The following RAB3GAP1 variants were observed in gnomAD, a reference collection of about 807,000 sequenced individuals.
The protein encoded by RAB3GAP1 is RAB3 GTPase activating protein catalytic subunit 1.
RAB3GAP1 carries 86 observed loss-of-function variants against 130.7 expected under a neutral mutation model. That is an observed-to-expected ratio of 0.66 (90% CI 0.55 to 0.79). The LOEUF (loss-of-function observed/expected upper bound fraction) is 0.79. Among genes scored for constraint, RAB3GAP1 ranks in the 30% least tolerant of loss-of-function variants. The pLI is 0.00. For missense variants in RAB3GAP1, 1,029 were observed against 1,169.4 expected, an observed-to-expected ratio of 0.88 and a Z score of 1.75; for synonymous variants, 367 against 401.7, an observed-to-expected ratio of 0.91 and a Z score of 1.03.
At chr2:135,069,219 C>T (rs922918584) in intron 3 of RAB3GAP1, among the ~76,000 whole-genome samples, 2 of 152,060 alleles carry the variant, frequency 1.3e-5, no homozygotes, top group African/African-American at 4.8e-5. Context: ...TGTCATGTTC[C>T]CTTTGTATAA....
In RAB3GAP1 at chr2:135,162,981, G is replaced by T; in HGVS notation, c.2491-5G>T. The T allele has an allele frequency of 6.2e-7, 1 of 1,609,416 alleles. No individual in the cohort carries two copies. The highest frequency in any genetic ancestry group is 8.5e-7 in the Non-Finnish European group (1 of 1,175,790). On this transcript the variant is annotated splice_region_variant and splice_polypyrimidine_tract_variant and intron_variant, in intron 21 of 23. Coordinates refer to ENST00000264158, the MANE Select transcript of RAB3GAP1 (RefSeq NM_012233.3). ...AATGTATGCCTCTTCCTTTTCTACC[G>T]CCAGGAAATCATTCACCAGATTACT...
downstream of RAB3GAP1, among the ~76,000 whole-genome samples, chr2:135,170,915 C>T (rs1038153506): frequency 6.6e-6 from 1 of 152,050 alleles, no homozygotes; most frequent in African/African-American, 2.4e-5. Context: ...TTTATTTCTC[C>T]ACCTCTTCAA....
At chr2:135,163,414 C>T (rs1692527421) in intron 22 of RAB3GAP1, among the ~76,000 whole-genome samples, 1 of 152,174 alleles carries the variant, frequency 6.6e-6, no homozygotes, top group African/African-American at 2.4e-5. Flanking sequence ...CTGTGTTGCT[C>T]ACCCTGCCCC....
At chr2:135,126,063 G>A in intron 9 of RAB3GAP1, 118 bp from the exon 10 acceptor site, 2 of 757,456 alleles carry the variant, frequency 2.6e-6, no homozygotes, top group East Asian at 2.6e-5. Context: ...CCAGTATGTT[G>A]TATTATAAAT....
chr2:135,082,414 A>G (rs1689850563), intron 3 of RAB3GAP1, among the ~76,000 whole-genome samples: 1 of 151,858 alleles, frequency 6.6e-6, no homozygotes. Flanking sequence ...TGGACATATC[A>G]TATAAATGGA....
At chr2:135,131,473 G>T (rs193058691) in intron 13 of RAB3GAP1, among the ~76,000 whole-genome samples, 1 of 151,942 alleles carries the variant, frequency 6.6e-6, no homozygotes, top group Non-Finnish European at 1.5e-5. Context: ...CTCGTAATCC[G>T]CCCGCCTCGG....
chr2:135,111,542 T>C (rs1690801154), intron 5 of RAB3GAP1, among the ~76,000 whole-genome samples: 1 of 152,178 alleles, frequency 6.6e-6, no homozygotes, highest in Non-Finnish European at 1.5e-5. Context: ...ATTCTTTAAT[T>C]AGGATACTTA....
chr2:135,165,753 C>T (rs1023315063), intron 23 of RAB3GAP1, among the ~76,000 whole-genome samples: 7 of 152,098 alleles, frequency 4.6e-5, no homozygotes, highest in South Asian at 4.2e-4. Context: ...AAACAAGAAC[C>T]GAGTTTGGTT....
At chr2:135,089,755 A>C in intron 3 of RAB3GAP1, 1 of 282,484 alleles carries the variant, frequency 3.5e-6, no homozygotes, top group Non-Finnish European at 7.3e-6. Context: ...CTATGCAGCC[A>C]TAAAAAAGGA....
chr2:135,052,563 C>A, intron 2 of RAB3GAP1, 78 bp downstream of exon 2: 1 of 1,511,456 alleles, frequency 6.6e-7, no homozygotes, highest in South Asian at 1.1e-5. Flanking sequence ...CCCAGACACA[C>A]CACAAGTGAC....
At chr2:135,055,487 G>A (rs1032348154) in intron 2 of RAB3GAP1, among the ~76,000 whole-genome samples, 1 of 152,070 alleles carries the variant, frequency 6.6e-6, no homozygotes, top group African/African-American at 2.4e-5. Context: ...AGAGGAGCTG[G>A]GGCAGCATGG....
intron 5 of RAB3GAP1, among the ~76,000 whole-genome samples, chr2:135,107,858 C>A (rs907266475): frequency 1.3e-5 from 2 of 151,468 alleles, no homozygotes; most frequent in Non-Finnish European, 2.9e-5. Flanking sequence ...GCCTGTAATC[C>A]CAGCTACTCA....
intron 18 of RAB3GAP1, chr2:135,153,111 A>G (rs1692219397): frequency 6.4e-6 from 1 of 156,822 alleles, no homozygotes; most frequent in Non-Finnish European, 1.4e-5. Context: ...TTTTGAGGTT[A>G]GCTGACATTT....
intron 17 of RAB3GAP1, among the ~76,000 whole-genome samples, chr2:135,148,491 CTTTTTTTT>C (rs571757000): frequency 2.8e-5 from 3 of 108,110 alleles, no homozygotes; most frequent in Middle Eastern, 6.0e-3. Flanking sequence ...GCTAGTAATT[CTTTTTTTT>C]TTTTTTTTTT....
chr2:135,063,794 A>AT (rs1246163373), intron 3 of RAB3GAP1, among the ~76,000 whole-genome samples: 2 of 152,346 alleles, frequency 1.3e-5, no homozygotes, highest in Admixed American at 1.3e-4. Context: ...GAATGTACAA[A>AT]TATCTGTCAG....
intron 3 of RAB3GAP1, among the ~76,000 whole-genome samples, chr2:135,064,234 C>T (rs184305269): frequency 2.5e-3 from 384 of 152,090 alleles, no homozygotes; most frequent in African/African-American, 8.6e-3. Context: ...TTTTGTTTTT[C>T]ACCACATTTG....
chr2:135,144,080 G>A (rs910509192), intron 17 of RAB3GAP1, among the ~76,000 whole-genome samples: 2 of 152,172 alleles, frequency 1.3e-5, no homozygotes, highest in African/African-American at 2.4e-5. Context: ...TGCTCTGTCC[G>A]CCAGGCTTGT....
At chr2:135,117,585 T>G (rs1057358861) in intron 7 of RAB3GAP1, among the ~76,000 whole-genome samples, 58 of 130,346 alleles carry the variant, frequency 4.4e-4, no homozygotes, top group Admixed American at 6.1e-4. Context: ...TTCTTCTGCT[T>G]CTTCTTCTGC....
intron 5 of RAB3GAP1, among the ~76,000 whole-genome samples, chr2:135,096,841 T>C (rs1179492901): frequency 6.6e-6 from 1 of 152,182 alleles, no homozygotes; most frequent in Admixed American, 6.5e-5. Context: ...GCGCCTAGTA[T>C]GTTTATCAAA....
Sources: gnomAD v4.1 joint callset for allele counts (sites outside exome capture counted in the v4.1 genomes callset) on GRCh38, gnomAD v4.1.1 for gene constraint, MANE v1.5 for transcripts, NCBI Gene and HGNC (gene_info 2026-07-23, HGNC 2026-07-21) for gene names.